RIT2: variants seen among roughly 807,000 people sequenced by gnomAD.
The protein encoded by RIT2 is GTP-binding protein Rit2.
A neutral mutation model predicts 23.7 loss-of-function variants in RIT2; 24 were observed. The ratio of observed to expected loss-of-function variants is 1.01; its 90% CI spans 0.73 to 1.43. The LOEUF (loss-of-function observed/expected upper bound fraction) is 1.43, where lower values mean the gene tolerates loss of function less well. Among genes scored for constraint, RIT2 ranks in the 40% most tolerant of loss-of-function variants. The pLI, the probability that RIT2 is intolerant of heterozygous loss-of-function variation, is 0.00. For synonymous variants in RIT2, 107 were observed against 91.1 expected (o/e 1.17, Z -0.99); for missense variants, 236 against 266.9 (o/e 0.88, Z 0.81).
At chr18:43,095,884 G>A (rs965024961) in intron 1 of RIT2, among the ~76,000 whole-genome samples, 9 of 151,954 alleles carry the variant, frequency 5.9e-5, no homozygotes, top group Non-Finnish European at 1.2e-4. Context: ...TATTAAAGGT[G>A]GGGAATATAA....
intron 4 of RIT2, among the ~76,000 whole-genome samples, chr18:42,871,618 G>T (rs1052489914): frequency 3.3e-5 from 5 of 152,094 alleles, no homozygotes; most frequent in Admixed American, 2.6e-4. Flanking sequence ...TAAAAGCCAA[G>T]AAATAAGAAA....
chr18:42,799,683 CCTT>C (rs1429265424), intron 4 of RIT2, among the ~76,000 whole-genome samples: 1 of 152,198 alleles, frequency 6.6e-6, no homozygotes, highest in Admixed American at 6.5e-5. Context: ...TCCTGCCAAA[CCTT>C]CTAGTTTCAT....
intron 2 of RIT2, among the ~76,000 whole-genome samples, chr18:43,005,623 T>G (rs1289374974): frequency 6.6e-6 from 1 of 151,732 alleles, no homozygotes; most frequent in Non-Finnish European, 1.5e-5. Flanking sequence ...TCTGGAAAGA[T>G]GGCAAGGGCA....
At chr18:43,007,067 T>C (rs557388520) in intron 2 of RIT2, among the ~76,000 whole-genome samples, 1 of 151,648 alleles carries the variant, frequency 6.6e-6, no homozygotes, top group African/African-American at 2.4e-5. Context: ...TTTTATATCA[T>C]GCAAACTAAC....
intron 4 of RIT2, among the ~76,000 whole-genome samples, chr18:42,910,674 T>C (rs746366487): frequency 3.9e-5 from 6 of 152,078 alleles, no homozygotes; most frequent in Non-Finnish European, 8.8e-5. Context: ...CTGGGGATAG[T>C]TGGAGAGATT....
intron 4 of RIT2, among the ~76,000 whole-genome samples, chr18:42,769,497 A>C (rs1004171857): frequency 3.9e-5 from 6 of 152,148 alleles, no homozygotes; most frequent in African/African-American, 1.2e-4. Flanking sequence ...GTTCAATGGG[A>C]GCCTGATACC....
At chr18:42,782,321 T>G (rs984183090) in intron 4 of RIT2, among the ~76,000 whole-genome samples, 1 of 152,182 alleles carries the variant, frequency 6.6e-6, no homozygotes, top group African/African-American at 2.4e-5. Context: ...CTTAGTGTTA[T>G]ATAATATGTT....
chr18:42,766,916 G>A (rs1394563020), intron 4 of RIT2, among the ~76,000 whole-genome samples: 2 of 152,228 alleles, frequency 1.3e-5, no homozygotes, highest in Non-Finnish European at 1.5e-5. Flanking sequence ...TCCATGTGGT[G>A]TTGTACCTGT....
intron 2 of RIT2, among the ~76,000 whole-genome samples, chr18:43,004,425 A>AT (rs1359949782): frequency 6.6e-6 from 1 of 151,756 alleles, no homozygotes; most frequent in Admixed American, 6.6e-5. Context: ...GGGTATTTCT[A>AT]TTTATCTCAA....
At chr18:42,950,762 A>G (rs888884161) in intron 3 of RIT2, among the ~76,000 whole-genome samples, 3 of 151,884 alleles carry the variant, frequency 2.0e-5, no homozygotes, top group African/African-American at 7.2e-5. Flanking sequence ...TTTAAAAAAA[A>G]ATGGTATAGA....
intron 4 of RIT2, among the ~76,000 whole-genome samples, chr18:42,841,781 A>T (rs1237779237): frequency 1.3e-5 from 2 of 152,184 alleles, no homozygotes; most frequent in East Asian, 3.9e-4. Context: ...ATGATTGTAC[A>T]AGGGAATCAT....
intron 1 of RIT2, among the ~76,000 whole-genome samples, chr18:43,090,166 A>G (rs1240362252): frequency 6.6e-6 from 1 of 152,008 alleles, no homozygotes; most frequent in Admixed American, 6.6e-5. Flanking sequence ...CAAAGAACTT[A>G]AACAAATTTA....
chr18:42,843,870 T>C (rs1906834367), intron 4 of RIT2, among the ~76,000 whole-genome samples: 1 of 152,104 alleles, frequency 6.6e-6, no homozygotes, highest in African/African-American at 2.4e-5. Flanking sequence ...GTATCTGAAA[T>C]ACAATTAAAG....
intron 4 of RIT2, among the ~76,000 whole-genome samples, chr18:42,765,514 C>T (rs536819412): frequency 6.6e-6 from 1 of 152,170 alleles, no homozygotes; most frequent in South Asian, 2.1e-4. Context: ...TGATAGATGA[C>T]CTGCCATATT....
intron 3 of RIT2, among the ~76,000 whole-genome samples, chr18:42,961,343 A>C (rs1910089264): frequency 6.6e-6 from 1 of 152,230 alleles, no homozygotes; most frequent in African/African-American, 2.4e-5. Flanking sequence ...GAGTTTTGAC[A>C]AAGATTGGAC....
chr18:42,749,279 A>G (rs1380552624), intron 4 of RIT2, among the ~76,000 whole-genome samples: 2 of 151,940 alleles, frequency 1.3e-5, no homozygotes, highest in Admixed American at 6.6e-5. Context: ...ACGAAATGCT[A>G]ATAAAAATGC....
chr18:42,900,731 A>G lies in RIT2; in HGVS notation c.426+22841T>C, dbSNP rs908447021. On this transcript the variant is annotated intron_variant, in intron 4 of 4. Transcript: ENST00000326695. ...GATATGTGAGGGATAACAGAGATTC[A>G]GCTTTGTAGGCTGAGGCAGAAGGGC... Among the ~76,000 whole-genome samples the G allele has an allele frequency of 3.9e-5, 6 of 152,200 alleles. No individual in the cohort carries two copies. In the East Asian group the frequency reaches 1.2e-3, roughly 29 times the overall value.
At chr18:42,872,760 A>G (rs1907651439) in intron 4 of RIT2, among the ~76,000 whole-genome samples, 1 of 152,222 alleles carries the variant, frequency 6.6e-6, no homozygotes, top group South Asian at 2.1e-4. Context: ...GGGCTACGGC[A>G]AAATTTCTCA....
chr18:43,027,340 TA>T, intron 2 of RIT2, among the ~76,000 whole-genome samples: 1 of 152,102 alleles, frequency 6.6e-6, no homozygotes, highest in East Asian at 1.9e-4. Context: ...TGTTTCTTAA[TA>T]TTTAGAGTGC....
Sources: allele counts gnomAD v4.1 joint callset (sites outside exome capture counted in the v4.1 genomes callset), GRCh38; gene constraint gnomAD v4.1.1; transcripts MANE v1.5; gene names NCBI Gene and HGNC (gene_info 2026-07-23, HGNC 2026-07-21).